Variants in ASAP2 observed in about 807,000 individuals in gnomAD.
ASAP2 encodes arf-GAP with SH3 domain, ANK repeat and PH domain-containing protein 2.
ASAP2 carries 45 observed loss-of-function variants against 131.4 expected under a neutral mutation model. That is an observed-to-expected ratio of 0.34 (90% CI 0.27 to 0.44). The LOEUF (loss-of-function observed/expected upper bound fraction) is 0.44, where lower values mean the gene tolerates loss of function less well. Among genes scored for constraint, ASAP2 ranks in the 20% least tolerant of loss-of-function variants. The pLI is 1.00. For missense variants in ASAP2, 1,011 were observed against 1,297.0 expected, an observed-to-expected ratio of 0.78 and a Z score of 3.39; for synonymous variants, 510 against 503.0, an observed-to-expected ratio of 1.01 and a Z score of -0.19.
intron 1 of ASAP2, among the ~76,000 whole-genome samples, chr2:9,237,355 G>C (rs140228765): frequency 2.0e-5 from 3 of 151,110 alleles, no homozygotes; most frequent in African/African-American, 7.3e-5. Context: ...CCTTTGAAAA[G>C]ATTAAGATGG....
chr2:9,241,135 T>C (rs1462496504), intron 1 of ASAP2, among the ~76,000 whole-genome samples: 2 of 152,216 alleles, frequency 1.3e-5, no homozygotes, highest in African/African-American at 4.8e-5. Context: ...GATAAGAGGG[T>C]AGTACTGTAT....
chr2:9,274,319 CTTTTTTT>C (rs57798948), intron 1 of ASAP2, among the ~76,000 whole-genome samples: 2 of 106,774 alleles, frequency 1.9e-5, no homozygotes, highest in Non-Finnish European at 3.5e-5. Flanking sequence ...AGCATTCAAT[CTTTTTTT>C]TTTTTTTTTT....
intron 1 of ASAP2, among the ~76,000 whole-genome samples, chr2:9,211,424 C>G (rs964099032): frequency 5.3e-5 from 8 of 151,508 alleles, no homozygotes; most frequent in African/African-American, 1.9e-4. Flanking sequence ...CCTCTGGGCA[C>G]TTTGAAATAT....
intron 1 of ASAP2, among the ~76,000 whole-genome samples, chr2:9,243,792 G>T (rs1467860682): frequency 1.3e-5 from 2 of 152,146 alleles, no homozygotes. Flanking sequence ...AGTTGCTGAG[G>T]ATTCTAAATA....
chr2:9,235,086 G>A (rs1360921613), intron 1 of ASAP2, among the ~76,000 whole-genome samples: 1 of 152,068 alleles, frequency 6.6e-6, no homozygotes, highest in East Asian at 1.9e-4. Context: ...CAAGTGCCGT[G>A]TTTCACTGTC....
intron 17 of ASAP2, among the ~76,000 whole-genome samples, chr2:9,376,693 C>T (rs2715855): frequency 0.018 from 2,809 of 152,246 alleles, 104 homozygotes; most frequent in African/African-American, 0.064. Flanking sequence ...CATTTATTTC[C>T]CATGGAGTCA....
intron 1 of ASAP2, among the ~76,000 whole-genome samples, chr2:9,223,551 AT>A (rs887188060): frequency 1.3e-5 from 2 of 151,766 alleles, no homozygotes; most frequent in Non-Finnish European, 1.5e-5. Context: ...AAATTTGTTA[AT>A]TTTTTTTTCC....
chr2:9,242,673 A>C (rs1033901293), intron 1 of ASAP2, among the ~76,000 whole-genome samples: 1 of 152,192 alleles, frequency 6.6e-6, no homozygotes, highest in Non-Finnish European at 1.5e-5. Flanking sequence ...CTCAGGATGG[A>C]TTCAAGGAGA....
At chr2:9,395,127 G>T (rs1333120123) in intron 24 of ASAP2, among the ~76,000 whole-genome samples, 1 of 152,186 alleles carries the variant, frequency 6.6e-6, no homozygotes. Context: ...ACACAGTCGG[G>T]GCAGAGAGGA....
At chr2:9,390,553 A>G (rs1675638640) in intron 22 of ASAP2, among the ~76,000 whole-genome samples, 1 of 152,198 alleles carries the variant, frequency 6.6e-6, no homozygotes, top group Non-Finnish European at 1.5e-5. Context: ...CCAGCCAGAA[A>G]TATGTTTGCG....
intron 11 of ASAP2, among the ~76,000 whole-genome samples, chr2:9,347,148 C>T (rs115145782): frequency 0.015 from 2,319 of 152,318 alleles, 35 homozygotes; most frequent in Non-Finnish European, 0.024. Context: ...TTCACTTCCT[C>T]GCTGCCATGC....
rs374154872 is a variant in ASAP2 at position 9,379,647 on chromosome 2, TAAAG to T, written c.1948+590_1948+593del. ...GAAGTATTTTTGAAGGACTGTTAAA[TAAAG>T]AGGAAAGAATAGAAAAAAGACACAC... On this transcript the variant is annotated intron_variant, in intron 19 of 27. Transcript: ENST00000281419. 4.2e-4 allele frequency among the ~76,000 whole-genome samples: 64 copies of T among 151,494 alleles called. 1 individual carries two copies. In the South Asian group the frequency reaches 0.013, roughly 30 times the overall value.
intron 1 of ASAP2, among the ~76,000 whole-genome samples, chr2:9,215,203 T>C (rs1372255737): frequency 1.3e-5 from 2 of 152,200 alleles, no homozygotes; most frequent in Non-Finnish European, 2.9e-5. Flanking sequence ...TATTTGTGTA[T>C]CTAAACATAG....
rs1225106580 is a variant in ASAP2 at position 9,390,961 on chromosome 2, A to T, written c.2384-101A>T. The T allele has an allele frequency of 3.8e-6, 6 of 1,571,694 alleles. No individual in the cohort carries two copies. In the East Asian group the frequency reaches 1.3e-4, roughly 35 times the overall value. On this transcript the variant is annotated intron_variant, in intron 22 of 27. Coordinates refer to ENST00000281419, the MANE Select transcript of ASAP2 (RefSeq NM_003887.3). Reference sequence around the variant, plus strand: ...AGAAGGGTCATACTGACCGTTTCATAAGGGGGAGGATCAATAACGCAGTGT... The same window carrying T: ...AGAAGGGTCATACTGACCGTTTCATTAGGGGGAGGATCAATAACGCAGTGT...
intron 3 of ASAP2, among the ~76,000 whole-genome samples, chr2:9,298,589 G>A (rs1668293349): frequency 3.9e-5 from 6 of 152,274 alleles, no homozygotes; most frequent in Admixed American, 3.3e-4. Flanking sequence ...TGGAGCCCTC[G>A]CCCTGCCTCA....
chr2:9,273,967 A>G (rs989911125), intron 1 of ASAP2, among the ~76,000 whole-genome samples: 8 of 152,234 alleles, frequency 5.3e-5, no homozygotes, highest in Non-Finnish European at 1.2e-4. Flanking sequence ...TCTTTGTTTC[A>G]AAGCTAAACT....
At chr2:9,260,546 C>T (rs1258493316) in intron 1 of ASAP2, among the ~76,000 whole-genome samples, 1 of 152,188 alleles carries the variant, frequency 6.6e-6, no homozygotes, top group East Asian at 1.9e-4. Context: ...CTAAAAGGCA[C>T]ATGACCTTGT....
rs148597801 is a variant in ASAP2 at position 9,386,677 on chromosome 2, G to C, written c.2130+1319G>C. Among the ~76,000 whole-genome samples, 309 of 152,314 alleles carry C rather than the reference G, an allele frequency of 2.0e-3. 2 individuals carry two copies. The highest frequency in any genetic ancestry group is 6.4e-3 in the African/African-American group (266 of 41,566). On this transcript the variant is annotated intron_variant, in intron 21 of 27. Transcript: ENST00000281419. ...ATTGGTTTGTCCAGAACCTAGAAAG[G>C]GTTGGTGGTCCTGTGAGGGAGAGGC...
chr2:9,353,279 T>C (rs1311468864), intron 12 of ASAP2, among the ~76,000 whole-genome samples: 2 of 151,220 alleles, frequency 1.3e-5, no homozygotes, highest in African/African-American at 4.9e-5. Context: ...TTGAACTGCC[T>C]GGGTGGGCCA....
Sources: gnomAD v4.1 joint callset for allele counts (sites outside exome capture counted in the v4.1 genomes callset) on GRCh38, gnomAD v4.1.1 for gene constraint, MANE v1.5 for transcripts, NCBI Gene and HGNC (gene_info 2026-07-23, HGNC 2026-07-21) for gene names.